The following CACNA1G variants were observed in gnomAD, a reference collection of about 807,000 sequenced individuals.
CACNA1G encodes calcium voltage-gated channel subunit alpha1 G.
A neutral mutation model predicts 219.4 loss-of-function variants in CACNA1G; 67 were observed. The observed-to-expected ratio is 0.31, with a 90% CI of 0.25 to 0.37. The LOEUF is 0.37. CACNA1G is among the 10% of genes least tolerant of loss of function. CACNA1G has a pLI of 1.00. For synonymous variants in CACNA1G, 1,296 were observed against 1,345.3 expected (o/e 0.96, Z 0.80); for missense variants, 2,380 against 3,231.4 (o/e 0.74, Z 6.39).
intron 9 of CACNA1G, among the ~76,000 whole-genome samples, chr17:50,587,057 T>C (rs12451979): frequency 0.33 from 50,413 of 152,026 alleles, 10,816 homozygotes; most frequent in East Asian, 0.89. Flanking sequence ...AGGCTAGACC[T>C]GGGAAGGGAC....
Position 50,600,693 on chromosome 17 carries a change from G to C in CACNA1G, c.3691-33G>C, listed in dbSNP as rs370309409. On this transcript the variant is annotated intron_variant, in intron 17 of 37. Coordinates refer to ENST00000359106, the MANE Select transcript of CACNA1G (RefSeq NM_018896.5). This position sits in a 1 kb window ranked among gnomAD's most constrained non-coding sequence, Gnocchi z 4.1. Reference sequence around the variant, plus strand: ...CAGGAGCCGGGGAACCTGGAGGCCTGGTCCTGCTCATACTCCAGTGTTTGT... The same window carrying C: ...CAGGAGCCGGGGAACCTGGAGGCCTCGTCCTGCTCATACTCCAGTGTTTGT... The C allele has an allele frequency of 7.6e-6, 12 of 1,588,510 alleles. No homozygotes were observed. The highest frequency in any genetic ancestry group is 1.0e-5 in the Non-Finnish European group (12 of 1,156,938).
Position 50,626,200 on chromosome 17 carries a change from G to A in CACNA1G, c.6583G>A (p.Ala2195Thr). The A allele has an allele frequency of 6.2e-7, 1 of 1,613,674 alleles. No homozygotes were observed. Among genetic ancestry groups the A allele is most frequent in the East Asian group, 2.2e-5 (1 of 44,856 alleles). Residue 2195 changes from alanine to threonine, a missense_variant, in exon 38 of 38, where the codon GCC (alanine) becomes ACC (threonine). By Grantham distance (58) the Ala-to-Thr change is moderately conservative. Transcript: ENST00000359106. This position sits in a 1 kb window ranked among gnomAD's most constrained non-coding sequence, Gnocchi z 4.3. Reference protein sequence around the residue: ...SKISKHMTPPAPCPGPEPNWG... With the variant: ...SKISKHMTPPTPCPGPEPNWG... ...GATCTCCAAGCACATGACCCCGCCA[G>A]CCCCTTGCCCAGGCCCAGAACCCAA...
intron 1 of CACNA1G, 27 bp downstream of exon 1, chr17:50,561,728 C>T: frequency 6.7e-7 from 1 of 1,487,528 alleles, no homozygotes; most frequent in African/African-American, 1.5e-5. Flanking sequence ...GACGGCCAGG[C>T]GCGGGGTCAG....
intron 8 of CACNA1G, among the ~76,000 whole-genome samples, chr17:50,576,564 C>T (rs944745626): frequency 1.3e-5 from 2 of 152,228 alleles, no homozygotes; most frequent in African/African-American, 4.8e-5. Flanking sequence ...TAATAAGCAC[C>T]TGCTTCGTGC....
Position 50,621,069 on chromosome 17 carries a change from C to G in CACNA1G, c.5926-591C>G, listed in dbSNP as rs1014897482. ...CAGAGCCCAAGTTGGAGAGGGCGGG[C>G]GGGCTGCAGGCAGGCGGAGGAGGGC... On this transcript the variant is annotated intron_variant, in intron 34 of 37. Transcript: ENST00000359106. The surrounding 1 kb of genome is among the most constrained non-coding windows in gnomAD (Gnocchi z 4.6). 6.6e-6 allele frequency among the ~76,000 whole-genome samples: 1 copy of G among 152,106 alleles called. No individual in the cohort carries two copies. The highest frequency in any genetic ancestry group is 1.5e-5 in the Non-Finnish European group (1 of 68,014).
chr17:50,618,904 C>A lies in CACNA1G; in HGVS notation c.5677C>A (p.Pro1893Thr). The part of the protein sequence containing the change: ...HSPLGSPFLW[P>T]GVEGPDSPDS... ...GCCACTGGGCAGCCCCTTCCTCTGG[C>A]CTGGGGTCGAGGGCCCCGACAGCCC... Residue 1893 changes from proline to threonine, a missense_variant, in exon 33 of 38, where the codon CCT (proline) becomes ACT (threonine). Pro to Thr is a conservative substitution (Grantham distance 38, BLOSUM62 -1). Transcript: ENST00000359106. This position sits in a 1 kb window ranked among gnomAD's most constrained non-coding sequence, Gnocchi z 5.3. 2 of 1,609,264 alleles carry A rather than the reference C, an allele frequency of 1.2e-6. No homozygotes were observed. Among genetic ancestry groups the A allele is most frequent in the Non-Finnish European group, 8.5e-7 (1 of 1,177,428 alleles).
Position 50,600,635 on chromosome 17 carries a change from C to T in CACNA1G, c.3691-91C>T. ...TGGGCCCCAGGTGGGAGAGGGTAGA[C>T]AAGGAGTGAGGCTCGTGACTCTGCT... On this transcript the variant is annotated intron_variant, in intron 17 of 37. Transcript: ENST00000359106. This position sits in a 1 kb window ranked among gnomAD's most constrained non-coding sequence, Gnocchi z 4.1. 4 of 1,087,106 alleles carry T rather than the reference C, an allele frequency of 3.7e-6. No homozygotes were observed. Among genetic ancestry groups the T allele is most frequent in the Non-Finnish European group, 5.6e-6 (4 of 713,834 alleles). 67.3% of individuals were successfully genotyped at this position (1,087,106 alleles called of 1,614,324 possible). A position where few individuals can be genotyped will look rare whatever the true frequency, so the allele number is the denominator to read the frequency against.
At position 50,575,775 on chromosome 17, in the gene CACNA1G, C is replaced by G. The variant is rs1245767369; in HGVS notation, c.1373C>G (p.Ala458Gly). 2 of 1,556,732 alleles carry G rather than the reference C, an allele frequency of 1.3e-6. No homozygotes were observed. Among genetic ancestry groups the G allele is most frequent in the Non-Finnish European group, 1.7e-6 (2 of 1,150,538 alleles). ...ARRLAQVSRA[A>G]GVRVGLLSSP... ...AGGCTGGCTCAGGTCTCTCGGGCAGCAGGTGTGCGGGTTGGGCTGCTCAGC... is the reference window on the plus strand; with the variant it reads ...AGGCTGGCTCAGGTCTCTCGGGCAGGAGGTGTGCGGGTTGGGCTGCTCAGC... Residue 458 changes from alanine to glycine, a missense_variant, in exon 8 of 38, where the codon GCA becomes GGA. By Grantham distance (60) the Ala-to-Gly change is moderately conservative. Around this residue, in one of 17 missense-constraint regions of CACNA1G, gnomAD observed 434 missense variants for 417.3 expected, o/e 1.04. Coordinates refer to ENST00000359106, the MANE Select transcript of CACNA1G (RefSeq NM_018896.5).
rs1344835134 is a variant in CACNA1G at position 50,561,596 on chromosome 17, C to G, written c.137C>G (p.Ser46Cys). ...SAEKDPGSADSEAEGLPYPAL... is the reference protein window; with the variant it reads ...SAEKDPGSADCEAEGLPYPAL... ...GAAAAGGACCCGGGCAGCGCGGACT[C>G]CGAGGCGGAGGGGCTGCCGTACCCG... The change falls in exon 1 of 38, where the codon TCC (serine) becomes TGC (cysteine). Residue 46 changes from serine (S) to cysteine (C), a missense_variant. Coordinates refer to ENST00000359106, the MANE Select transcript of CACNA1G (RefSeq NM_018896.5). 1.9e-6 allele frequency: 3 copies of G among 1,576,846 alleles called. No homozygotes were observed. The highest frequency in any genetic ancestry group is 2.7e-5 in the African/African-American group (2 of 74,180).
intron 22 of CACNA1G, among the ~76,000 whole-genome samples, chr17:50,604,825 G>A (rs1389540183): frequency 6.6e-6 from 1 of 152,250 alleles, no homozygotes; most frequent in South Asian, 2.1e-4. Context: ...AGACGCCTCA[G>A]GGGGCCGGGG....
intron 37 of CACNA1G, among the ~76,000 whole-genome samples, chr17:50,624,952 ATTC>A (rs2053300268): frequency 2.5e-5 from 2 of 79,990 alleles, no homozygotes; most frequent in African/African-American, 1.2e-4. Context: ...CAGAGCCCAG[ATTC>A]TTTTTTTTTT....
chr17:50,573,359 T>C (rs1418620188), intron 7 of CACNA1G: 2 of 444,248 alleles, frequency 4.5e-6, no homozygotes, highest in Non-Finnish European at 8.1e-6. Context: ...CCTCCAGCAC[T>C]GCTCTGGGCC....
chr17:50,578,676 CT>C lies in CACNA1G; in HGVS notation c.2301+113del, dbSNP rs1233234894. ...TGAGCTCAGCTTCCTCTCCATGCTG[CT>C]AGCCCACCTGGCAGGTAGGAGGGGA... On this transcript the variant is annotated intron_variant, in intron 9 of 37. Coordinates refer to ENST00000359106, the MANE Select transcript of CACNA1G (RefSeq NM_018896.5). The surrounding 1 kb of genome is among the most constrained non-coding windows in gnomAD (Gnocchi z 4.5). 2.8e-6 allele frequency: 3 copies of C among 1,085,546 alleles called. No homozygotes were observed. The highest frequency in any genetic ancestry group is 3.9e-6 in the Non-Finnish European group (3 of 776,144). 67.2% of individuals were successfully genotyped at this position (1,085,546 alleles called of 1,614,324 possible).
rs1187440781 is a variant in CACNA1G at position 50,576,076 on chromosome 17, T to C, written c.1674T>C (p.His558=). The C allele has an allele frequency of 1.3e-6, 2 of 1,587,684 alleles. No homozygotes were observed. Among genetic ancestry groups the C allele is most frequent in the South Asian group, 1.2e-5 (1 of 86,920 alleles). ...CAGAGTCTGTGCACAGCTTCTACCATGCCGACTGCCACTTAGAGCCAGTCC... is the reference window on the plus strand; with the variant it reads ...CAGAGTCTGTGCACAGCTTCTACCACGCCGACTGCCACTTAGAGCCAGTCC... ...GGAESVHSFY[H]ADCHLEPVRC... is the part of the protein sequence containing the mutation. The change falls in exon 8 of 38, where the codon CAT becomes CAC. Residue 558 remains histidine, a synonymous_variant. Transcript: ENST00000359106.
chr17:50,590,802 A>G (rs1429812221), intron 10 of CACNA1G, among the ~76,000 whole-genome samples, 180 bp downstream of exon 10: 2 of 151,768 alleles, frequency 1.3e-5, no homozygotes, highest in East Asian at 3.9e-4. Flanking sequence ...TGCCCCCTCC[A>G]TCTCTCTCTT....
intron 16 of CACNA1G, among the ~76,000 whole-genome samples, chr17:50,597,399 A>C (rs1568096192): frequency 6.6e-6 from 1 of 152,212 alleles, no homozygotes; most frequent in Non-Finnish European, 1.5e-5. Context: ...TGAGCCTCAG[A>C]TTGCAGAAGG....
chr17:50,561,343 G>T lies in CACNA1G; in HGVS notation c.-117G>T. On this transcript the variant is annotated 5_prime_UTR_variant, in exon 1 of 38. Coordinates refer to ENST00000359106, the MANE Select transcript of CACNA1G (RefSeq NM_018896.5). Reference sequence around the variant, plus strand: ...TGGCCCTCCCGGGGGCTCAGCTTGCGCCCTAGAGCCCACCAGATGTGCCCC... The same window carrying T: ...TGGCCCTCCCGGGGGCTCAGCTTGCTCCCTAGAGCCCACCAGATGTGCCCC... The T allele has an allele frequency of 1.5e-6, 2 of 1,327,716 alleles. No homozygotes were observed. Among genetic ancestry groups the T allele is most frequent in the Non-Finnish European group, 2.0e-6 (2 of 976,470 alleles). The allele number at this position is 1,327,716 out of a possible 1,614,324, so 82.2% of individuals were successfully genotyped here.
At chr17:50,569,859 A>G in intron 4 of CACNA1G, 56 bp downstream of exon 4, 1 of 1,326,618 alleles carries the variant, frequency 7.5e-7, no homozygotes, top group Non-Finnish European at 1.1e-6. Flanking sequence ...GAAATGTGGA[A>G]CTCTCAGACC....
Position 50,617,291 on chromosome 17 carries a change from A to G in CACNA1G, c.5022-147A>G. ...CCACCAGTTGGCTGTGTGGCCTTAG[A>G]TAAGCCACGCCTCTTCTCTGTGGGA... is the stretch of plus-strand genomic sequence containing the variant. On this transcript the variant is annotated intron_variant, in intron 28 of 37. Transcript: ENST00000359106. This position sits in a 1 kb window ranked among gnomAD's most constrained non-coding sequence, Gnocchi z 5.8. 1.2e-6 allele frequency: 1 copy of G among 842,520 alleles called. No homozygotes were observed. 52.2% of individuals were successfully genotyped at this position (842,520 alleles called of 1,614,324 possible).
Sources: gnomAD v4.1 joint callset for allele counts (sites outside exome capture counted in the v4.1 genomes callset) on GRCh38, gnomAD v4.1.1 for gene constraint, gnomAD v4.1.1 regional missense constraint, Gnocchi (gnomAD v3.1) non-coding constraint, MANE v1.5 for transcripts, NCBI Gene and HGNC (gene_info 2026-07-23, HGNC 2026-07-21) for gene names.